ZEB1: variants seen among roughly 807,000 people sequenced by gnomAD.
ZEB1 encodes zinc finger E-box-binding homeobox 1.
A neutral mutation model predicts 84.9 loss-of-function variants in ZEB1; 21 were observed. The observed-to-expected ratio is 0.25, with a 90% CI of 0.18 to 0.36. The LOEUF (loss-of-function observed/expected upper bound fraction) is 0.36. ZEB1 is among the 10% of genes least tolerant of loss of function. The pLI, the probability that ZEB1 is intolerant of heterozygous loss-of-function variation, is 1.00. For synonymous variants in ZEB1, 420 were observed against 471.1 expected (o/e 0.89, Z 1.41); for missense variants, 1,104 against 1,330.2 (o/e 0.83, Z 2.65).
intron 1 of ZEB1, among the ~76,000 whole-genome samples, chr10:31,379,391 A>G (rs1320549034): frequency 6.6e-6 from 1 of 151,656 alleles, no homozygotes; most frequent in African/African-American, 2.4e-5. Flanking sequence ...GTTGGACTGA[A>G]ACTTAACCAA....
upstream of ZEB1, chr10:31,318,980 A>C (rs2032891048): frequency 5.6e-6 from 3 of 536,928 alleles, no homozygotes; most frequent in Non-Finnish European, 1.0e-5. Context: ...ACCACACCTG[A>C]GGAAAACTTT....
chr10:31,373,681 G>A (rs1344291395), intron 1 of ZEB1, among the ~76,000 whole-genome samples: 1 of 151,648 alleles, frequency 6.6e-6, no homozygotes, highest in Non-Finnish European at 1.5e-5. Flanking sequence ...TTTAACATTA[G>A]TTCTTTAAAA....
intron 1 of ZEB1, among the ~76,000 whole-genome samples, chr10:31,411,661 C>G (rs1205101122): frequency 7.1e-6 from 1 of 139,894 alleles, no homozygotes; most frequent in Non-Finnish European, 1.5e-5. Flanking sequence ...AAAAAAGCAG[C>G]ATTAGGAGAG....
Position 31,356,006 on chromosome 10 carries a change from G to A in ZEB1, c.58+36714G>A, listed in dbSNP as rs143835412. ...GTTACAGCAGTGGAGCTGGAGAGAA[G>A]GGAATAGATTTGAAATTTGGGATGT... On this transcript the variant is annotated intron_variant, in intron 1 of 8. Coordinates refer to ENST00000424869, the MANE Select transcript of ZEB1 (RefSeq NM_001174096.2). Among the ~76,000 whole-genome samples, 4 of 152,198 alleles carry A rather than the reference G, an allele frequency of 2.6e-5. No homozygotes were observed. The East Asian group carries it at 7.7e-4, about 29-fold the overall frequency.
intron 1 of ZEB1, among the ~76,000 whole-genome samples, chr10:31,455,581 A>C (rs566934146): frequency 3.8e-5 from 5 of 132,082 alleles, no homozygotes; most frequent in Non-Finnish European, 7.4e-5. Context: ...AAACAACCCC[A>C]TCAAAAAGTG....
chr10:31,373,139 A>G (rs2046001701), intron 1 of ZEB1: 2 of 985,456 alleles, frequency 2.0e-6, no homozygotes, highest in Non-Finnish European at 2.4e-6. Context: ...CTATCAAGAA[A>G]GACTAATGGA....
chr10:31,404,350 A>T (rs890256890), intron 1 of ZEB1, among the ~76,000 whole-genome samples: 2 of 151,934 alleles, frequency 1.3e-5, no homozygotes, highest in Non-Finnish European at 1.5e-5. Context: ...TACATTCTTT[A>T]CCTGCCTGTA....
chr10:31,492,166 A>G (rs1481341387), intron 2 of ZEB1, among the ~76,000 whole-genome samples: 3 of 151,914 alleles, frequency 2.0e-5, no homozygotes, highest in Admixed American at 6.6e-5. Flanking sequence ...CAACTTCAGG[A>G]AAGGTATAGA....
chr10:31,477,546 G>A (rs967181464), intron 2 of ZEB1, among the ~76,000 whole-genome samples: 1 of 151,970 alleles, frequency 6.6e-6, no homozygotes, highest in Non-Finnish European at 1.5e-5. Flanking sequence ...AGCCTGAATA[G>A]CCAAAGCAAT....
upstream of ZEB1, chr10:31,319,005 A>C: frequency 7.2e-6 from 4 of 558,044 alleles, no homozygotes; most frequent in Non-Finnish European, 9.9e-6. Context: ...TCGCCCCTCA[A>C]TTCAAATTCA....
At chr10:31,419,983 C>G (rs1376081506) in intron 1 of ZEB1, among the ~76,000 whole-genome samples, 1 of 152,092 alleles carries the variant, frequency 6.6e-6, no homozygotes, top group African/African-American at 2.4e-5. Context: ...TCTGGAATAT[C>G]CTAGGTGAAG....
chr10:31,412,198 G>T (rs1265817629), intron 1 of ZEB1, among the ~76,000 whole-genome samples: 4 of 152,040 alleles, frequency 2.6e-5, no homozygotes, highest in Admixed American at 6.6e-5. Flanking sequence ...AATGAGAAGG[G>T]AATACTAATT....
intron 1 of ZEB1, among the ~76,000 whole-genome samples, chr10:31,391,860 G>A (rs1342057045): frequency 2.0e-5 from 3 of 151,972 alleles, no homozygotes; most frequent in African/African-American, 7.3e-5. Flanking sequence ...GTTTTTACTG[G>A]GGAGAATGTC....
intron 1 of ZEB1, among the ~76,000 whole-genome samples, chr10:31,460,447 GTGGTAAACTTGA>G (rs1449670102): frequency 1.3e-5 from 2 of 152,078 alleles, no homozygotes; most frequent in Non-Finnish European, 2.9e-5. Flanking sequence ...AAAAATACTT[GTGGTAAACTTGA>G]TGATGTAATG....
rs374648116 is a variant in ZEB1 at position 31,402,378 on chromosome 10, GA to G, written c.59-58649del. ...GAGTGGCTAAAGAATAGCGATCCTA[GA>G]AAAAAAAAATTGATGATCAGGAAGA... On this transcript the variant is annotated intron_variant, in intron 1 of 8. Coordinates refer to ENST00000424869, the MANE Select transcript of ZEB1 (RefSeq NM_001174096.2). Among the ~76,000 whole-genome samples the G allele has an allele frequency of 3.0e-3, 447 of 149,952 alleles. 5 individuals are homozygous for G. Among genetic ancestry groups the G allele is most frequent in the African/African-American group, 9.6e-3 (393 of 41,058 alleles).
At chr10:31,358,597 A>G (rs1466223962) in intron 1 of ZEB1, 2 of 152,328 alleles carry the variant, frequency 1.3e-5, no homozygotes, top group East Asian at 3.9e-4. Flanking sequence ...GGAGTTTTGT[A>G]TCATAACCTC....
intron 1 of ZEB1, among the ~76,000 whole-genome samples, chr10:31,331,081 CTTT>C (rs548615284): frequency 3.9e-5 from 3 of 77,870 alleles, no homozygotes; most frequent in African/African-American, 1.7e-4. Context: ...TTCTTTCTTT[CTTT>C]TTTTTTTTTT....
chr10:31,369,604 G>A (rs542890307), intron 1 of ZEB1, among the ~76,000 whole-genome samples: 1 of 152,176 alleles, frequency 6.6e-6, no homozygotes, highest in South Asian at 2.1e-4. Context: ...TTCATCCATT[G>A]ATAGACACTT....
intron 1 of ZEB1, chr10:31,320,273 GAGTTGTT>G (rs2033551031): frequency 1.3e-5 from 2 of 152,300 alleles, no homozygotes; most frequent in Non-Finnish European, 2.9e-5. Flanking sequence ...TGTGTTTGCG[GAGTTGTT>G]ACCTGGGCTT....
Sources: allele counts gnomAD v4.1 joint callset (sites outside exome capture counted in the v4.1 genomes callset), GRCh38; gene constraint gnomAD v4.1.1; transcripts MANE v1.5; gene names NCBI Gene and HGNC (gene_info 2026-07-23, HGNC 2026-07-21).